DUSP15: variants seen among roughly 807,000 people sequenced by gnomAD.
DUSP15 encodes dual specificity phosphatase 15, also known as dual specificity protein phosphatase 15.
Under a neutral mutation model 26.3 loss-of-function variants are expected in DUSP15, and 23 were observed. That is an observed-to-expected ratio of 0.87 (90% CI 0.63 to 1.24). DUSP15 has a LOEUF of 1.24. DUSP15 is among the 50% of genes most tolerant of loss of function. The pLI is 0.00. For synonymous variants in DUSP15, 143 were observed against 135.5 expected (o/e 1.06, Z -0.39); for missense variants, 364 against 320.6 (o/e 1.14, Z -1.03).
chr20:31,868,765 C>T (rs1205397646), intron 2 of DUSP15, among the ~76,000 whole-genome samples: 3 of 152,242 alleles, frequency 2.0e-5, no homozygotes, highest in African/African-American at 7.2e-5. Context: ...AAGGCGTGAG[C>T]CACTGCGCCC....
intron 6 of DUSP15, among the ~76,000 whole-genome samples, chr20:31,855,339 T>C (rs565362674): frequency 2.0e-5 from 3 of 152,244 alleles, no homozygotes; most frequent in African/African-American, 7.2e-5. Context: ...CTGATACAAG[T>C]GTTGCTTTGG....
intron 9 of DUSP15, chr20:31,848,637 A>T: frequency 3.4e-6 from 5 of 1,477,232 alleles, no homozygotes; most frequent in Non-Finnish European, 4.5e-6. Flanking sequence ...GGGAAGTCAC[A>T]GCCCTAGTTA....
downstream of DUSP15, among the ~76,000 whole-genome samples, chr20:31,847,486 G>A (rs2062388843): frequency 6.6e-6 from 1 of 152,164 alleles, no homozygotes; most frequent in African/African-American, 2.4e-5. Context: ...AACAGCAATT[G>A]ATTGATTTCT....
chr20:31,862,026 C>T (rs1312141181), intron 6 of DUSP15, among the ~76,000 whole-genome samples: 2 of 152,122 alleles, frequency 1.3e-5, no homozygotes, highest in Non-Finnish European at 2.9e-5. Context: ...TGCTCACAAC[C>T]CCATTCCCAC....
At chr20:31,855,945 A>T (rs1235330476) in intron 6 of DUSP15, among the ~76,000 whole-genome samples, 2 of 152,144 alleles carry the variant, frequency 1.3e-5, no homozygotes, top group African/African-American at 2.4e-5. Flanking sequence ...TTTAAAAAAA[A>T]ATTTTTATTT....
intron 5 of DUSP15, chr20:31,863,513 G>A (rs1257388795): frequency 6.0e-6 from 1 of 167,442 alleles, no homozygotes; most frequent in Non-Finnish European, 1.3e-5. Flanking sequence ...CAGAATTCCT[G>A]TCTCCCAGCT....
At chr20:31,846,849 C>A (rs1185949365), downstream of DUSP15, among the ~76,000 whole-genome samples, 1 of 152,222 alleles carries the variant, frequency 6.6e-6, no homozygotes, top group Non-Finnish European at 1.5e-5. Flanking sequence ...GCTGGTGACT[C>A]CTCAGCTGTC....
chr20:31,868,542 C>T (rs1201033707), intron 2 of DUSP15, among the ~76,000 whole-genome samples: 6 of 145,676 alleles, frequency 4.1e-5, no homozygotes, highest in South Asian at 2.1e-4. Context: ...TGCAGTGGCA[C>T]GATCTCGGCT....
chr20:31,849,492 GC>G, intron 8 of DUSP15: 1 of 719,802 alleles, frequency 1.4e-6, no homozygotes. Flanking sequence ...GCGTCCTTAT[GC>G]CCCCGTTCCC....
chr20:31,866,984 C>A, intron 3 of DUSP15, 87 bp downstream of exon 3: 1 of 1,280,258 alleles, frequency 7.8e-7, no homozygotes, highest in Non-Finnish European at 1.1e-6. Flanking sequence ...AAGAAGGAAG[C>A]ATAGCACCTA....
At chr20:31,860,926 G>A (rs2062635501), downstream of DUSP15, 4 of 930,672 alleles carry the variant, frequency 4.3e-6, no homozygotes, top group Non-Finnish European at 5.1e-6. Flanking sequence ...AGTTGCGGGA[G>A]GGTGGTGGGC....
downstream of DUSP15, among the ~76,000 whole-genome samples, chr20:31,860,613 G>C (rs1018356133): frequency 2.0e-5 from 3 of 152,200 alleles, no homozygotes; most frequent in Non-Finnish European, 2.9e-5. Flanking sequence ...TGTGTGCTCC[G>C]GCAAGCTGCC....
chr20:31,868,670 G>C (rs1214164072), intron 2 of DUSP15, among the ~76,000 whole-genome samples: 2 of 151,916 alleles, frequency 1.3e-5, no homozygotes, highest in African/African-American at 2.4e-5. Flanking sequence ...AGTAGAGACG[G>C]GGTTTCACTA....
rs1490764071 is a variant in DUSP15, at chr20:31,861,243, C to A, written c.*160G>T. 3.7e-6 allele frequency: 5 copies of A among 1,362,560 alleles called. No homozygotes were observed. The highest frequency in any genetic ancestry group is 4.7e-6 in the Non-Finnish European group (5 of 1,064,734). 84.4% of individuals were successfully genotyped at this position (1,362,560 alleles called of 1,614,324 possible). On this transcript the variant is annotated 3_prime_UTR_variant, in exon 7 of 7. Coordinates refer to ENST00000339738, the MANE Select transcript of DUSP15 (RefSeq NM_080611.5). ...CACAGAGACGCACAGGTTGGGGACG[C>A]TGACTGCAGACGCGGACGAGCAGGG... is the stretch of plus-strand genomic sequence containing the variant.
At chr20:31,850,924 G>A (rs574308690) in intron 6 of DUSP15, among the ~76,000 whole-genome samples, 1 of 152,314 alleles carries the variant, frequency 6.6e-6, no homozygotes, top group Admixed American at 6.5e-5. Context: ...GAGGCTGTGA[G>A]GGTGGGAGAG....
At chr20:31,855,937 T>A (rs961068377) in intron 6 of DUSP15, among the ~76,000 whole-genome samples, 5 of 152,050 alleles carry the variant, frequency 3.3e-5, no homozygotes, top group East Asian at 1.9e-4. Flanking sequence ...CTCTCTTTTT[T>A]AAAAAAAAAT....
Position 31,865,011 on chromosome 20 carries a change from A to G in DUSP15, c.139-9T>C. The G allele has an allele frequency of 6.2e-7, 1 of 1,614,106 alleles. No homozygotes were observed. The highest frequency in any genetic ancestry group is 1.1e-5 in the South Asian group (1 of 91,064). The stretch of plus-strand genomic sequence containing the variant: ...CGAAGGTAGGTGATATCCTGCAAGT[A>G]CAAAATACACTCAGGCAGGGGACCT... On this transcript the variant is annotated splice_polypyrimidine_tract_variant and intron_variant, in intron 3 of 6. Transcript: ENST00000339738.
intron 5 of DUSP15, 25 bp downstream of exon 5, chr20:31,863,882 C>T: frequency 6.2e-7 from 1 of 1,610,180 alleles, no homozygotes; most frequent in Non-Finnish European, 8.5e-7. Context: ...TCCTCCCCCA[C>T]CTTATCCCCC....
At chr20:31,857,294 G>A (rs1396603890), downstream of DUSP15, among the ~76,000 whole-genome samples, 4 of 151,970 alleles carry the variant, frequency 2.6e-5, no homozygotes, top group Admixed American at 2.6e-4. Context: ...CCTCCAGGGG[G>A]ATCTTTCTAA....
Sources: allele counts gnomAD v4.1 joint callset (sites outside exome capture counted in the v4.1 genomes callset), GRCh38; gene constraint gnomAD v4.1.1; transcripts MANE v1.5; gene names NCBI Gene and HGNC (gene_info 2026-07-23, HGNC 2026-07-21).